ABLIM2: variants seen among roughly 807,000 people sequenced by gnomAD.
ABLIM2 encodes the protein actin binding LIM protein family member 2, also known as actin-binding LIM protein 2.
In ABLIM2, 53 loss-of-function variants were observed where a neutral mutation model predicts 97.7. That is an observed-to-expected ratio of 0.54 (90% CI 0.44 to 0.68). The LOEUF (loss-of-function observed/expected upper bound fraction) is 0.68. ABLIM2 is among the 30% of genes least tolerant of loss of function. The pLI is 0.00. For synonymous variants in ABLIM2, 361 were observed against 345.8 expected (o/e 1.04, Z -0.49); for missense variants, 835 against 867.2 (o/e 0.96, Z 0.47).
chr4:8,076,130 C>T (rs1577240221), intron 6 of ABLIM2, among the ~76,000 whole-genome samples: 2 of 152,320 alleles, frequency 1.3e-5, no homozygotes, highest in East Asian at 3.9e-4. Flanking sequence ...CATCCAGCCC[C>T]CTGGAGTCTG....
chr4:8,025,686 G>C (rs1051168573), intron 12 of ABLIM2, among the ~76,000 whole-genome samples: 1 of 152,174 alleles, frequency 6.6e-6, no homozygotes, highest in African/African-American at 2.4e-5. Context: ...GACCCACAGA[G>C]GCTGCTCACA....
rs375132904 is a variant in ABLIM2, at chr4:8,110,088, C to T, written c.11-3451G>A. Among the ~76,000 whole-genome samples the T allele has an allele frequency of 2.6e-4, 40 of 152,382 alleles. No individual in the cohort carries two copies. In the East Asian group the frequency reaches 3.1e-3, roughly 12 times the overall value. ...ACTGAACTTCAAATGGTGCCTCTCT[C>T]GGCCACGCATGGCCCAGGCCATGGG... On this transcript the variant is annotated intron_variant, in intron 1 of 20. Coordinates refer to ENST00000447017, the MANE Select transcript of ABLIM2 (RefSeq NM_001130083.2).
intron 3 of ABLIM2, 88 bp downstream of exon 3, chr4:8,097,011 G>C: frequency 6.9e-7 from 1 of 1,448,886 alleles, no homozygotes; most frequent in East Asian, 2.5e-5. Flanking sequence ...TCACGGGAGG[G>C]AGCAGGAGGA....
intron 1 of ABLIM2, among the ~76,000 whole-genome samples, chr4:8,119,604 G>C (rs530849794): frequency 1.3e-4 from 20 of 152,278 alleles, no homozygotes; most frequent in African/African-American, 4.8e-4. Context: ...GGGATTATAG[G>C]CGTGAGCCAC....
chr4:8,134,763 G>A (rs769311391), intron 1 of ABLIM2, among the ~76,000 whole-genome samples: 1 of 152,230 alleles, frequency 6.6e-6, no homozygotes, highest in Non-Finnish European at 1.5e-5. Flanking sequence ...AGGGACTTGT[G>A]CCCTTTTGGT....
chr4:7,987,170 G>A (rs1182662664), intron 17 of ABLIM2, among the ~76,000 whole-genome samples: 1 of 152,008 alleles, frequency 6.6e-6, no homozygotes, highest in Non-Finnish European at 1.5e-5. Flanking sequence ...TAGAGATGGA[G>A]TCTCCCTTGG....
chr4:8,042,150 CT>C (rs1339652058), intron 9 of ABLIM2, among the ~76,000 whole-genome samples: 1 of 152,178 alleles, frequency 6.6e-6, no homozygotes, highest in East Asian at 1.9e-4. Context: ...GAAGCAGGGT[CT>C]CTCTGACCGC....
rs1001059289 is a variant in ABLIM2 at position 8,148,674 on chromosome 4, G to T, written c.10+10006C>A. On this transcript the variant is annotated intron_variant, in intron 1 of 20. Transcript: ENST00000447017. The surrounding 1 kb of genome is among the most constrained non-coding windows in gnomAD (Gnocchi z 6.7). ...GGGCATGCACAGCAGAGTCCTGCTT[G>T]CCTGGAAGCAAATGCTACATCCCAA... 1.3e-5 allele frequency among the ~76,000 whole-genome samples: 2 copies of T among 152,146 alleles called. No individual in the cohort carries two copies. The highest frequency in any genetic ancestry group is 2.4e-5 in the African/African-American group (1 of 41,418).
intron 2 of ABLIM2, among the ~76,000 whole-genome samples, chr4:8,105,288 A>G (rs1482733693): frequency 2.6e-5 from 4 of 152,094 alleles, no homozygotes; most frequent in Admixed American, 6.5e-5. Context: ...ACACACATAT[A>G]CTTGGTTTTT....
Position 8,085,831 on chromosome 4 carries a change from G to C in ABLIM2, c.454+2338C>G, listed in dbSNP as rs1471016745. ...TGCTGGAATTCAGCCTGCGTCTCCA[G>C]TTTCAGAACCAAGGCCACCTTGGAC... On this transcript the variant is annotated intron_variant, in intron 4 of 20. Coordinates refer to ENST00000447017, the MANE Select transcript of ABLIM2 (RefSeq NM_001130083.2). This position sits in a 1 kb window ranked among gnomAD's most constrained non-coding sequence, Gnocchi z 6.1. Among the ~76,000 whole-genome samples, 1 of 152,242 alleles carries C rather than the reference G, an allele frequency of 6.6e-6. No individual in the cohort carries two copies. Among genetic ancestry groups the C allele is most frequent in the East Asian group, 1.9e-4 (1 of 5,198 alleles).
intron 14 of ABLIM2, among the ~76,000 whole-genome samples, chr4:8,012,100 GCCCATCCATCCACCCATCCTTCA>G (rs1194801263): frequency 2.7e-5 from 4 of 150,872 alleles, no homozygotes; most frequent in Admixed American, 1.3e-4. Flanking sequence ...TCATCCATCT[GCCCATCCATCCACCCATCCTTCA>G]CCCATCCATC....
chr4:8,153,067 A>G (rs1713632024), intron 1 of ABLIM2, among the ~76,000 whole-genome samples: 1 of 152,178 alleles, frequency 6.6e-6, no homozygotes, highest in Admixed American at 6.5e-5. Context: ...TGATGGCATC[A>G]GGCCAGCAGC....
intron 1 of ABLIM2, among the ~76,000 whole-genome samples, chr4:8,137,601 G>A (rs1389395150): frequency 6.6e-6 from 1 of 152,212 alleles, no homozygotes; most frequent in Non-Finnish European, 1.5e-5. Flanking sequence ...AGGGATGGGA[G>A]GTGCAGTTGG....
Position 8,112,831 on chromosome 4 carries a change from C to T in ABLIM2, c.11-6194G>A, listed in dbSNP as rs1841014680. Among the ~76,000 whole-genome samples, 2 of 152,150 alleles carry T rather than the reference C, an allele frequency of 1.3e-5. No homozygotes were observed. The highest frequency in any genetic ancestry group is 1.3e-4 in the Admixed American group (2 of 15,276). The stretch of plus-strand genomic sequence containing the variant: ...AGACTGAGGCCCAGCTCAGGTGTGT[C>T]CGAGGCTCCTCCTCCCACCCCTTCC... On this transcript the variant is annotated intron_variant, in intron 1 of 20. Transcript: ENST00000447017. The surrounding 1 kb of genome is among the most constrained non-coding windows in gnomAD (Gnocchi z 4.2).
chr4:8,096,259 C>A (rs1034792303), intron 3 of ABLIM2, among the ~76,000 whole-genome samples: 2 of 152,198 alleles, frequency 1.3e-5, no homozygotes, highest in Non-Finnish European at 2.9e-5. Context: ...TTGATGGTGG[C>A]TGGACAAGTC....
chr4:8,151,100 G>A (rs1484176381), intron 1 of ABLIM2, among the ~76,000 whole-genome samples: 1 of 152,144 alleles, frequency 6.6e-6, no homozygotes, highest in African/African-American at 2.4e-5. Flanking sequence ...AAGGCAAAGG[G>A]CATTTAAACA....
At chr4:7,975,559 A>G (rs1203505520) in intron 20 of ABLIM2, among the ~76,000 whole-genome samples, 1 of 152,178 alleles carries the variant, frequency 6.6e-6, no homozygotes, top group Non-Finnish European at 1.5e-5. Context: ...ACATCTGCCC[A>G]CATGCTGCTC....
chr4:8,080,315 C>T (rs577340247), intron 5 of ABLIM2, among the ~76,000 whole-genome samples: 43 of 152,254 alleles, frequency 2.8e-4, no homozygotes, highest in East Asian at 7.7e-4. Flanking sequence ...ATCCAGGCGC[C>T]GGAAAGGCAG....
chr4:8,003,157 T>C lies in ABLIM2; in HGVS notation c.1618+4902A>G, dbSNP rs1758415878. Among the ~76,000 whole-genome samples the C allele has an allele frequency of 2.0e-5, 3 of 152,254 alleles. No homozygotes were observed. Among genetic ancestry groups the C allele is most frequent in the Non-Finnish European group, 4.4e-5 (3 of 68,048 alleles). On this transcript the variant is annotated intron_variant, in intron 16 of 20. Transcript: ENST00000447017. This position sits in a 1 kb window ranked among gnomAD's most constrained non-coding sequence, Gnocchi z 4.2. ...CCCTTGGCTTACCACGGGCTCATCA[T>C]ATCCCATAAACCCAGTAAGATGAGA...
Sources: gnomAD v4.1 joint callset for allele counts (sites outside exome capture counted in the v4.1 genomes callset) on GRCh38, gnomAD v4.1.1 for gene constraint, Gnocchi (gnomAD v3.1) non-coding constraint, MANE v1.5 for transcripts, NCBI Gene and HGNC (gene_info 2026-07-23, HGNC 2026-07-21) for gene names.